KCNMA1: variants seen among roughly 807,000 people sequenced by gnomAD.
KCNMA1 encodes the protein Calcium-activated potassium channel subunit alpha-1.
A neutral mutation model predicts 140.0 loss-of-function variants in KCNMA1; 29 were observed. The observed-to-expected ratio is 0.21, with a 90% CI of 0.15 to 0.28. The LOEUF is 0.28. Among genes scored for constraint, KCNMA1 ranks in the 10% least tolerant of loss-of-function variants. The probability of loss-of-function intolerance (pLI) is 1.00; values close to 1 mark genes in which losing one functional copy is unlikely to be tolerated. For synonymous variants in KCNMA1, 612 were observed against 611.9 expected, an observed-to-expected ratio of 1.00 and a Z score of 0.00; for missense variants, 880 against 1,602.2, an observed-to-expected ratio of 0.55 and a Z score of 7.70.
At position 77,194,249 on chromosome 10, in the gene KCNMA1, C is replaced by T. The variant is rs149768612; in HGVS notation, c.603-9333G>A. On this transcript the variant is annotated intron_variant, in intron 3 of 27. Coordinates refer to ENST00000286628, the MANE Select transcript of KCNMA1 (RefSeq NM_001161352.2). ...TGCCAAAGGCTGGCCAATCAGGGCA[C>T]GGTTGGGCAGGTAGGCTGGTACTCC... 1.1e-4 allele frequency among the ~76,000 whole-genome samples: 16 copies of T among 152,218 alleles called. No homozygotes were observed. The East Asian group carries it at 1.7e-3, about 17-fold the overall frequency.
chr10:77,142,900 A>G (rs1195232153), intron 5 of KCNMA1, among the ~76,000 whole-genome samples: 2 of 152,254 alleles, frequency 1.3e-5, no homozygotes, highest in South Asian at 2.1e-4. Flanking sequence ...AAACAGCTAC[A>G]TATCTGTTAA....
intron 5 of KCNMA1, among the ~76,000 whole-genome samples, chr10:77,130,958 TG>T (rs1359394765): frequency 1.3e-5 from 2 of 151,986 alleles, no homozygotes; most frequent in East Asian, 1.9e-4. Flanking sequence ...CTGAGGTTGA[TG>T]GGGGGGTGGT....
chr10:77,259,074 C>T (rs1320317160), intron 2 of KCNMA1, among the ~76,000 whole-genome samples: 1 of 151,930 alleles, frequency 6.6e-6, no homozygotes, highest in Non-Finnish European at 1.5e-5. Context: ...TCCATAGGTC[C>T]CCTAAATTAC....
At chr10:77,505,416 T>A (rs1019364698) in intron 1 of KCNMA1, among the ~76,000 whole-genome samples, 10 of 152,212 alleles carry the variant, frequency 6.6e-5, no homozygotes, top group African/African-American at 2.2e-4. Context: ...CTAGGAGATG[T>A]CACTAGTATT....
chr10:77,033,947 A>T (rs1358175662), intron 15 of KCNMA1, among the ~76,000 whole-genome samples: 1 of 152,186 alleles, frequency 6.6e-6, no homozygotes, highest in African/African-American at 2.4e-5. Flanking sequence ...AATATTTTTT[A>T]AAAAATGAGA....
At chr10:76,881,016 A>G (rs1332499816), downstream of KCNMA1, among the ~76,000 whole-genome samples, 2 of 152,150 alleles carry the variant, frequency 1.3e-5, no homozygotes, top group African/African-American at 4.8e-5. Flanking sequence ...TCGTGGAGTT[A>G]GGAAAGAAGA....
At chr10:77,619,577 G>A (rs2090755840) in intron 1 of KCNMA1, among the ~76,000 whole-genome samples, 1 of 152,116 alleles carries the variant, frequency 6.6e-6, no homozygotes, top group Non-Finnish European at 1.5e-5. Flanking sequence ...AACGTGAGGA[G>A]TCGTGGTTCA....
intron 5 of KCNMA1, among the ~76,000 whole-genome samples, chr10:77,161,175 C>T (rs534961695): frequency 3.6e-4 from 55 of 152,308 alleles, no homozygotes; most frequent in African/African-American, 1.3e-3. Flanking sequence ...TTTACTGACA[C>T]TTGTACTCAT....
At chr10:77,521,813 G>A (rs964601053) in intron 1 of KCNMA1, among the ~76,000 whole-genome samples, 2 of 152,138 alleles carry the variant, frequency 1.3e-5, no homozygotes, top group Admixed American at 6.5e-5. Context: ...CTTTTGCCTA[G>A]TGGGTGGTTA....
At position 76,919,982 on chromosome 10, in the gene KCNMA1, T is replaced by TTGTG. The variant is rs1196371060; in HGVS notation, c.2903-4937_2903-4934dup. 2.4e-3 allele frequency among the ~76,000 whole-genome samples: 190 copies of TTGTG among 77,584 alleles called. 6 individuals carry two copies. Among genetic ancestry groups the TTGTG allele is most frequent in the East Asian group, 0.011 (19 of 1,808 alleles). 50.9% of individuals were successfully genotyped at this position (77,584 alleles called of 152,430 possible). A position where few individuals can be genotyped will look rare whatever the true frequency, so the allele number is the denominator to read the frequency against. On this transcript the variant is annotated intron_variant, in intron 23 of 27. Transcript: ENST00000286628. Reference sequence around the variant, plus strand: ...AATACTAATGAGAAGGCAATGAGCATTGTGTGTGTGTGTGTGTGTGTGTGT... The same window carrying TTGTG: ...AATACTAATGAGAAGGCAATGAGCATTGTGTGTGTGTGTGTGTGTGTGTGTGTGT...
At chr10:77,035,220 T>C (rs761226159) in intron 15 of KCNMA1, among the ~76,000 whole-genome samples, 3 of 152,220 alleles carry the variant, frequency 2.0e-5, no homozygotes, top group Non-Finnish European at 4.4e-5. Flanking sequence ...TGGCGCAGCC[T>C]CCAGATTCCC....
chr10:77,592,276 G>A (rs1444422049), intron 1 of KCNMA1, among the ~76,000 whole-genome samples: 1 of 152,182 alleles, frequency 6.6e-6, no homozygotes, highest in Non-Finnish European at 1.5e-5. Context: ...TGAAAGGTAA[G>A]GAAAGACGAG....
intron 2 of KCNMA1, among the ~76,000 whole-genome samples, chr10:77,390,942 C>T (rs628948): frequency 0.33 from 50,775 of 151,966 alleles, 8,636 homozygotes; most frequent in Admixed American, 0.38. Flanking sequence ...TTTCTCTCTC[C>T]TTTTCAATGA....
rs114083533 is a variant in KCNMA1, at chr10:77,053,800, A to G, written c.1750-14163T>C. ...CCATCTCTTAAGAAAGTTGAAGGAGAGAATTTATAGACTGAGGGGTAGGTG... is the reference window on the plus strand; with the variant it reads ...CCATCTCTTAAGAAAGTTGAAGGAGGGAATTTATAGACTGAGGGGTAGGTG... On this transcript the variant is annotated intron_variant, in intron 14 of 27. Coordinates refer to ENST00000286628, the MANE Select transcript of KCNMA1 (RefSeq NM_001161352.2). Among the ~76,000 whole-genome samples the G allele has an allele frequency of 3.7e-3, 561 of 152,314 alleles. 2 individuals carry two copies. Among genetic ancestry groups the G allele is most frequent in the Middle Eastern group, 0.017 (5 of 294 alleles).
At chr10:77,086,802 G>T (rs998447110) in intron 10 of KCNMA1, among the ~76,000 whole-genome samples, 1 of 152,158 alleles carries the variant, frequency 6.6e-6, no homozygotes, top group Non-Finnish European at 1.5e-5. Context: ...CATGGTAAAA[G>T]AAAGAGGTTC....
intron 3 of KCNMA1, among the ~76,000 whole-genome samples, chr10:77,207,309 A>G (rs1031669793): frequency 2.6e-5 from 4 of 152,200 alleles, no homozygotes; most frequent in African/African-American, 4.8e-5. Flanking sequence ...GGAATATAAC[A>G]CATTGCATAA....
downstream of KCNMA1, chr10:76,877,644 G>C: frequency 8.2e-7 from 1 of 1,217,310 alleles, no homozygotes; most frequent in Non-Finnish European, 1.2e-6. Context: ...TTATCCTAAC[G>C]TTTCCACCAG....
Position 77,183,506 on chromosome 10 carries a change from C to A in KCNMA1, c.723G>T (p.Trp241Cys), listed in dbSNP as rs1393721921. 6.2e-7 allele frequency: 1 copy of A among 1,613,358 alleles called. No homozygotes were observed. Among genetic ancestry groups the A allele is most frequent in the Non-Finnish European group, 8.5e-7 (1 of 1,179,680 alleles). Residue 241 changes from tryptophan to cysteine, a missense_variant, in exon 5 of 28, where the codon TGG becomes TGT. Trp to Cys is a radical substitution (Grantham distance 215). Around this residue, in one of 13 missense-constraint regions of KCNMA1, gnomAD observed 198 missense variants for 580.1 expected, o/e 0.34. Coordinates refer to ENST00000286628, the MANE Select transcript of KCNMA1 (RefSeq NM_001161352.2). Reference protein sequence around the residue: ...LRFIAANDKLWFWLEVNSVVD... With the variant: ...LRFIAANDKLCFWLEVNSVVD... ...CTACAGAGTTCACTTCCAGCCAGAACCACAATTTATCGTTGGCTGCAATAA... is the reference window on the plus strand; with the variant it reads ...CTACAGAGTTCACTTCCAGCCAGAAACACAATTTATCGTTGGCTGCAATAA...
At chr10:77,022,500 C>T (rs1278645289) in intron 16 of KCNMA1, among the ~76,000 whole-genome samples, 1 of 152,160 alleles carries the variant, frequency 6.6e-6, no homozygotes, top group Admixed American at 6.5e-5. Context: ...GTTTCTTTTG[C>T]TCTCAGACTA....
Sources: gnomAD v4.1 joint callset for allele counts (sites outside exome capture counted in the v4.1 genomes callset) on GRCh38, gnomAD v4.1.1 for gene constraint, gnomAD v4.1.1 regional missense constraint, MANE v1.5 for transcripts, NCBI Gene and HGNC (gene_info 2026-07-23, HGNC 2026-07-21) for gene names.